PRKD1: variants seen among roughly 807,000 people sequenced by gnomAD.
The protein encoded by PRKD1 is protein kinase D1, also known as serine/threonine-protein kinase D1.
A neutral mutation model predicts 95.9 loss-of-function variants in PRKD1; 63 were observed. The ratio of observed to expected loss-of-function variants is 0.66; its 90% CI spans 0.54 to 0.81. The LOEUF is 0.81. Ranked by LOEUF, PRKD1 falls within the 30% of genes least tolerant of loss-of-function variation. PRKD1 has a pLI of 0.00. For synonymous variants in PRKD1, 425 were observed against 423.1 expected, an observed-to-expected ratio of 1.00 and a Z score of -0.05; for missense variants, 1,048 against 1,165.3, an observed-to-expected ratio of 0.90 and a Z score of 1.47.
chr14:29,746,522 G>A (rs1887226089), intron 1 of PRKD1, among the ~76,000 whole-genome samples: 1 of 129,400 alleles, frequency 7.7e-6, no homozygotes, highest in African/African-American at 3.3e-5. Flanking sequence ...CATTGTGTGT[G>A]TACATATATA....
intron 2 of PRKD1, among the ~76,000 whole-genome samples, chr14:29,679,268 C>T (rs1036169060): frequency 5.3e-5 from 8 of 152,240 alleles, no homozygotes; most frequent in African/African-American, 1.9e-4. Context: ...TTAGCATAAA[C>T]GATTCTGAGC....
At chr14:29,818,756 C>T (rs1207526639) in intron 1 of PRKD1, among the ~76,000 whole-genome samples, 2 of 152,030 alleles carry the variant, frequency 1.3e-5, no homozygotes, top group Non-Finnish European at 2.9e-5. Context: ...AAAATATTGG[C>T]ATATTCAATC....
chr14:29,776,327 T>G (rs1023580428), intron 1 of PRKD1, among the ~76,000 whole-genome samples: 1 of 152,160 alleles, frequency 6.6e-6, no homozygotes, highest in Non-Finnish European at 1.5e-5. Flanking sequence ...GAAGAAGGCT[T>G]CAGACGATCA....
At position 29,577,358 on chromosome 14, in the gene PRKD1, T is replaced by C. The variant is rs150018148; in HGVS notation, c.2619A>G (p.Ala873=). 9.7e-5 allele frequency: 156 copies of C among 1,613,714 alleles called. No individual in the cohort carries two copies. Among genetic ancestry groups the C allele is most frequent in the Middle Eastern group, 6.6e-4 (4 of 6,078 alleles). Residue 873 remains alanine (A), a synonymous_variant, in exon 18 of 18, where the codon GCA becomes GCG. Coordinates refer to ENST00000331968, the MANE Select transcript of PRKD1 (RefSeq NM_002742.3). ...ESDDLRWEKY[A]GEQGLQYPTH... ...TGGGGTACTGCAGCCCCTGCTCGCC[T>C]GCATACTTCTCCCACCTCAGGTCAT...
intron 17 of PRKD1, among the ~76,000 whole-genome samples, chr14:29,577,717 T>G (rs1017731475): frequency 6.6e-5 from 10 of 152,206 alleles, no homozygotes; most frequent in Non-Finnish European, 1.3e-4. Context: ...CAATCAGGAA[T>G]GCCAGTATTC....
intron 2 of PRKD1, among the ~76,000 whole-genome samples, chr14:29,670,740 T>A (rs1305160496): frequency 6.6e-6 from 1 of 152,218 alleles, no homozygotes; most frequent in Non-Finnish European, 1.5e-5. Context: ...GGTTGGTCAT[T>A]TTTTCCTGCT....
chr14:29,792,035 T>G (rs1425424837), intron 1 of PRKD1, among the ~76,000 whole-genome samples: 1 of 152,152 alleles, frequency 6.6e-6, no homozygotes, highest in African/African-American at 2.4e-5. Flanking sequence ...TAGCTATTTT[T>G]CAGGTGTACT....
At chr14:29,631,111 A>G in intron 9 of PRKD1, 90 bp from the exon 10 acceptor site, 1 of 1,215,082 alleles carries the variant, frequency 8.2e-7, no homozygotes, top group Non-Finnish European at 1.1e-6. Flanking sequence ...GAAAAATGAC[A>G]TCACAAATAG....
chr14:29,813,551 G>A (rs1423962953), intron 1 of PRKD1, among the ~76,000 whole-genome samples: 1 of 152,080 alleles, frequency 6.6e-6, no homozygotes, highest in East Asian at 1.9e-4. Flanking sequence ...ATAGTTCTAG[G>A]GAGAGGGTGA....
At chr14:29,713,423 T>G (rs1255486730) in intron 2 of PRKD1, among the ~76,000 whole-genome samples, 1 of 152,162 alleles carries the variant, frequency 6.6e-6, no homozygotes, top group Non-Finnish European at 1.5e-5. Context: ...CAAGAGCAGG[T>G]TTTTATATGA....
intron 2 of PRKD1, among the ~76,000 whole-genome samples, chr14:29,712,276 G>A (rs1885369089): frequency 6.6e-6 from 1 of 151,916 alleles, no homozygotes; most frequent in African/African-American, 2.4e-5. Context: ...CCCTAAATAG[G>A]GGACTAACTA....
intron 1 of PRKD1, among the ~76,000 whole-genome samples, chr14:29,849,865 A>C (rs1444832038): frequency 6.6e-6 from 1 of 152,202 alleles, no homozygotes; most frequent in Non-Finnish European, 1.5e-5. Context: ...GATCTAGTCG[A>C]CTTTATTCCC....
At chr14:29,818,645 T>C (rs1890789363) in intron 1 of PRKD1, among the ~76,000 whole-genome samples, 1 of 151,074 alleles carries the variant, frequency 6.6e-6, no homozygotes, top group African/African-American at 2.4e-5. Context: ...AGTTCACCTA[T>C]GCTCCAGTAC....
chr14:29,634,312 G>A (rs1880219676), intron 8 of PRKD1, 106 bp downstream of exon 8: 14 of 1,539,372 alleles, frequency 9.1e-6, no homozygotes, highest in East Asian at 2.3e-5. Context: ...CCTGTGCTGA[G>A]GTTTACTCTG....
At chr14:29,593,375 A>G (rs1473416353) in intron 16 of PRKD1, among the ~76,000 whole-genome samples, 1 of 152,100 alleles carries the variant, frequency 6.6e-6, no homozygotes, top group Non-Finnish European at 1.5e-5. Context: ...TGCTTTTGTG[A>G]TTGTTTTTAG....
At chr14:29,752,877 G>A (rs1002357841) in intron 1 of PRKD1, among the ~76,000 whole-genome samples, 2 of 151,976 alleles carry the variant, frequency 1.3e-5, no homozygotes, top group African/African-American at 4.8e-5. Context: ...TGAAATATGT[G>A]CATGAAAATA....
intron 2 of PRKD1, among the ~76,000 whole-genome samples, chr14:29,676,183 G>GTTTTTTTTTTTTTTTTTT (rs34953735): frequency 1.5e-4 from 10 of 67,462 alleles, no homozygotes; most frequent in Non-Finnish European, 1.9e-4. Context: ...TTACGTTTTT[G>GTTTTTTTTTTTTTTTTTT]TTTTTTTTTT....
At chr14:29,875,076 A>G (rs1463527937) in intron 1 of PRKD1, among the ~76,000 whole-genome samples, 1 of 152,218 alleles carries the variant, frequency 6.6e-6, no homozygotes, top group Admixed American at 6.5e-5. Flanking sequence ...AATGAAAACC[A>G]ATGATGAATA....
intron 2 of PRKD1, among the ~76,000 whole-genome samples, chr14:29,692,604 C>T (rs1229544854): frequency 1.3e-5 from 2 of 151,890 alleles, no homozygotes; most frequent in Non-Finnish European, 2.9e-5. Context: ...GGATATTTTC[C>T]TTTTGTAATT....
Sources: allele counts gnomAD v4.1 joint callset (sites outside exome capture counted in the v4.1 genomes callset), GRCh38; gene constraint gnomAD v4.1.1; transcripts MANE v1.5; gene names NCBI Gene and HGNC (gene_info 2026-07-23, HGNC 2026-07-21).